Variants in FAM184B observed in about 807,000 individuals in gnomAD.
The protein encoded by FAM184B is protein FAM184B.
In FAM184B, 111 loss-of-function variants were observed where a neutral mutation model predicts 135.9. The observed-to-expected ratio is 0.82, with a 90% CI of 0.70 to 0.96. The LOEUF (loss-of-function observed/expected upper bound fraction) is 0.96. Ranked by LOEUF, FAM184B falls within the 40% of genes least tolerant of loss-of-function variation. FAM184B has a pLI of 0.00. For missense variants in FAM184B, 1,375 were observed against 1,323.9 expected (o/e 1.04, Z -0.60); for synonymous variants, 552 against 524.8 (o/e 1.05, Z -0.71).
chr4:17,632,568 C>T lies in FAM184B; in HGVS notation c.3147G>A (p.Pro1049=), dbSNP rs754481241. 10 of 1,551,196 alleles carry T rather than the reference C, an allele frequency of 6.4e-6. No homozygotes were observed. Among genetic ancestry groups the T allele is most frequent in the South Asian group, 2.4e-5 (2 of 84,044 alleles). The change falls in exon 18 of 18, where the codon CCG becomes CCA. Residue 1049 remains proline, a synonymous_variant. Coordinates refer to ENST00000265018, the MANE Select transcript of FAM184B (RefSeq NM_015688.2). ...AKEVQQKQGS[P]HQEWFTKYFS... Reference sequence around the variant, plus strand: ...AGTACTTGGTGAACCATTCCTGGTGCGGAGAGCCCTGTTTCTGCTGGACTT... The same window carrying T: ...AGTACTTGGTGAACCATTCCTGGTGTGGAGAGCCCTGTTTCTGCTGGACTT...
intron 6 of FAM184B, among the ~76,000 whole-genome samples, chr4:17,692,117 G>A (rs1716750635): frequency 6.6e-6 from 1 of 152,084 alleles, no homozygotes; most frequent in Non-Finnish European, 1.5e-5. Context: ...AAGCTCTGCA[G>A]TGAGGAGTGG....
intron 1 of FAM184B, among the ~76,000 whole-genome samples, chr4:17,754,375 A>G (rs954108909): frequency 1.3e-5 from 2 of 152,052 alleles, no homozygotes; most frequent in African/African-American, 4.8e-5. Context: ...AACGTGGAGA[A>G]ACCCCGTCTC....
At position 17,647,918 on chromosome 4, in the gene FAM184B, G is replaced by T. The variant is rs769377412; in HGVS notation, c.2192-127C>A. 6.5e-5 allele frequency: 70 copies of T among 1,080,490 alleles called. No homozygotes were observed. In the Middle Eastern group the frequency reaches 4.2e-3, roughly 65 times the overall value. The allele number at this position is 1,080,490 out of a possible 1,614,324, so 66.9% of individuals were successfully genotyped here. A position where few individuals can be genotyped will look rare whatever the true frequency, so the allele number is the denominator to read the frequency against. On this transcript the variant is annotated intron_variant, in intron 11 of 17. Transcript: ENST00000265018. Reference sequence around the variant, plus strand: ...CTGCTGAAGGCTTGTGGTGGGTTAGGTTCCCCAAACCTTTTCCAAGGTAAC... The same window carrying T: ...CTGCTGAAGGCTTGTGGTGGGTTAGTTTCCCCAAACCTTTTCCAAGGTAAC...
rs1330035756 is a variant in FAM184B at position 17,736,614 on chromosome 4, C to T, written c.142-26970G>A. On this transcript the variant is annotated intron_variant, in intron 1 of 17. Transcript: ENST00000265018. The stretch of plus-strand genomic sequence containing the variant: ...CTTCTGTTATCTGGGCCCAAGTCAG[C>T]TGTCCTGGTTGTCACCATTCTCATG... Among the ~76,000 whole-genome samples, 3 of 152,172 alleles carry T rather than the reference C, an allele frequency of 2.0e-5. No individual in the cohort carries two copies. In the East Asian group the frequency reaches 5.8e-4, roughly 29 times the overall value.
chr4:17,748,862 T>C (rs568271538), intron 1 of FAM184B, among the ~76,000 whole-genome samples: 1 of 152,020 alleles, frequency 6.6e-6, no homozygotes, highest in South Asian at 2.1e-4. Flanking sequence ...GGGGTTTCAC[T>C]CATCACCCAG....
At chr4:17,755,929 A>G (rs942865063) in intron 1 of FAM184B, among the ~76,000 whole-genome samples, 11 of 152,174 alleles carry the variant, frequency 7.2e-5, no homozygotes, top group Admixed American at 2.0e-4. Flanking sequence ...AAGAGGGAGA[A>G]CATCAGGAAG....
chr4:17,692,140 A>C (rs953673894), intron 6 of FAM184B, among the ~76,000 whole-genome samples: 12 of 152,148 alleles, frequency 7.9e-5, no homozygotes, highest in Non-Finnish European at 8.8e-5. Context: ...CATGTACAAC[A>C]TGAAGACTGG....
chr4:17,758,488 T>C (rs145308459), intron 1 of FAM184B, among the ~76,000 whole-genome samples: 159 of 152,330 alleles, frequency 1.0e-3, no homozygotes, highest in South Asian at 4.6e-3. Flanking sequence ...ACAATTTAGA[T>C]GGCTGGCTTT....
In FAM184B at chr4:17,693,414, T is replaced by G. The variant is rs1217903725; in HGVS notation, c.1378-2A>C. ...TTCCTCCAACTGTGCTTCTACTTCCTAAATGATGATTGGAAGAGTTAACCA... is the reference window on the plus strand; with the variant it reads ...TTCCTCCAACTGTGCTTCTACTTCCGAAATGATGATTGGAAGAGTTAACCA... On this transcript the variant is annotated splice_acceptor_variant, in intron 5 of 17. Transcript: ENST00000265018. LOFTEE classifies it high-confidence loss of function. 4.5e-6 allele frequency: 7 copies of G among 1,549,564 alleles called. No individual in the cohort carries two copies. The highest frequency in any genetic ancestry group is 6.1e-6 in the Non-Finnish European group (7 of 1,145,236).
Position 17,781,411 on chromosome 4 carries a change from T to A in FAM184B, c.-112A>T. 1 of 1,299,120 alleles carries A rather than the reference T, an allele frequency of 7.7e-7. No individual in the cohort carries two copies. The highest frequency in any genetic ancestry group is 1.0e-6 in the Non-Finnish European group (1 of 997,266). 80.5% of individuals were successfully genotyped at this position (1,299,120 alleles called of 1,614,324 possible). ...GTGGGTTTCTCGGGAGAGGTGGCAC[T>A]GCAGTCCCGTCGCCTGCACCGCCGC... On this transcript the variant is annotated 5_prime_UTR_variant, in exon 1 of 18. Transcript: ENST00000265018. This position sits in a 1 kb window ranked among gnomAD's most constrained non-coding sequence, Gnocchi z 6.5.
chr4:17,714,528 C>A (rs1717365773), intron 1 of FAM184B, among the ~76,000 whole-genome samples: 1 of 152,078 alleles, frequency 6.6e-6, no homozygotes, highest in Non-Finnish European at 1.5e-5. Flanking sequence ...GCAATAACTA[C>A]CGTGTTGAGC....
At position 17,705,904 on chromosome 4, in the gene FAM184B, A is replaced by C; in HGVS notation, c.1031-13T>G. On this transcript the variant is annotated splice_polypyrimidine_tract_variant and intron_variant, in intron 3 of 17. Coordinates refer to ENST00000265018, the MANE Select transcript of FAM184B (RefSeq NM_015688.2). ...GTCTTCATGGCATCTGCAAGCATAC[A>C]TTTCAGCATTATTTGGAATGCTCTT... 1 of 1,552,068 alleles carries C rather than the reference A, an allele frequency of 6.4e-7. No individual in the cohort carries two copies. The highest frequency in any genetic ancestry group is 2.4e-5 in the East Asian group (1 of 40,920).
At chr4:17,636,677 CT>C in intron 14 of FAM184B, 32 bp from the exon 15 acceptor site, 1 of 1,481,698 alleles carries the variant, frequency 6.7e-7, no homozygotes, top group South Asian at 1.3e-5. Context: ...TCAAGTCCCC[CT>C]TACAGCAATT....
intron 12 of FAM184B, among the ~76,000 whole-genome samples, chr4:17,644,276 C>T (rs1465032677): frequency 6.6e-6 from 1 of 151,942 alleles, no homozygotes; most frequent in African/African-American, 2.4e-5. Flanking sequence ...GGCAGAGACA[C>T]AACAAAAAAA....
intron 10 of FAM184B, among the ~76,000 whole-genome samples, chr4:17,654,909 C>T (rs555545094): frequency 3.9e-5 from 6 of 152,132 alleles, no homozygotes; most frequent in Non-Finnish European, 5.9e-5. Flanking sequence ...TGGAGTGCAG[C>T]GGCGCAATCA....
At chr4:17,710,447 A>T (rs1717239568) in intron 1 of FAM184B, among the ~76,000 whole-genome samples, 1 of 152,242 alleles carries the variant, frequency 6.6e-6, no homozygotes, top group African/African-American at 2.4e-5. Context: ...CAAAAACTAC[A>T]AGATTGTCTC....
At chr4:17,778,310 A>G (rs1412254189) in intron 1 of FAM184B, among the ~76,000 whole-genome samples, 2 of 152,202 alleles carry the variant, frequency 1.3e-5, no homozygotes, top group African/African-American at 4.8e-5. Context: ...GTGTGGGAAA[A>G]TAACTGTTCA....
intron 13 of FAM184B, 121 bp downstream of exon 13, chr4:17,641,935 C>A: frequency 7.3e-7 from 1 of 1,369,032 alleles, no homozygotes; most frequent in Non-Finnish European, 9.6e-7. Flanking sequence ...TCTTGTGGGG[C>A]AGGATGCCGA....
chr4:17,748,029 G>A (rs923397653), intron 1 of FAM184B, among the ~76,000 whole-genome samples: 1 of 147,814 alleles, frequency 6.8e-6, no homozygotes, highest in African/African-American at 2.5e-5. Context: ...GCTTAAACCC[G>A]GGAGGCAGAG....
Sources: allele counts gnomAD v4.1 joint callset (sites outside exome capture counted in the v4.1 genomes callset), GRCh38; gene constraint gnomAD v4.1.1; non-coding constraint Gnocchi (gnomAD v3.1); transcripts MANE v1.5; gene names NCBI Gene and HGNC (gene_info 2026-07-23, HGNC 2026-07-21).